Variants in CSMD1 observed in about 807,000 individuals in gnomAD.
CSMD1 encodes CUB and Sushi multiple domains 1.
A neutral mutation model predicts 417.5 loss-of-function variants in CSMD1; 213 were observed. That is an observed-to-expected ratio of 0.51 (90% CI 0.46 to 0.57). The LOEUF is 0.57. CSMD1 is among the 20% of genes least tolerant of loss of function. The pLI, the probability that CSMD1 is intolerant of heterozygous loss-of-function variation, is 0.00. For missense variants in CSMD1, 6,923 were observed against 4,529.7 expected, an observed-to-expected ratio of 1.53 and a Z score of -15.17; for synonymous variants, 2,862 against 1,736.8, an observed-to-expected ratio of 1.65 and a Z score of -16.11.
chr8:4,664,324 C>T (rs1203231047), intron 1 of CSMD1, among the ~76,000 whole-genome samples: 1 of 152,180 alleles, frequency 6.6e-6, no homozygotes, highest in Admixed American at 6.5e-5. Context: ...CTGTGGAAGG[C>T]TGAGGCGGGC....
chr8:3,851,497 T>G (rs1198001806), intron 5 of CSMD1, among the ~76,000 whole-genome samples: 1 of 152,158 alleles, frequency 6.6e-6, no homozygotes, highest in South Asian at 2.1e-4. Flanking sequence ...CCTAGTGTCT[T>G]GAGACTTTTT....
intron 37 of CSMD1, among the ~76,000 whole-genome samples, chr8:3,169,847 A>G (rs772392319): frequency 5.9e-5 from 9 of 152,190 alleles, no homozygotes; most frequent in Non-Finnish European, 1.3e-4. Flanking sequence ...ACATGCCCAG[A>G]CATGCCACAG....
chr8:4,578,409 G>C lies in CSMD1; in HGVS notation c.302+58933C>G, dbSNP rs191514588. Reference sequence around the variant, plus strand: ...TTAGCCAGGATGTTCTCGATCTCCTGATCTCATGATTCGCCCACCTCAGCA... The same window carrying C: ...TTAGCCAGGATGTTCTCGATCTCCTCATCTCATGATTCGCCCACCTCAGCA... On this transcript the variant is annotated intron_variant, in intron 2 of 69. Transcript: ENST00000635120. Among the ~76,000 whole-genome samples, 96 of 133,594 alleles carry C rather than the reference G, an allele frequency of 7.2e-4. No homozygotes were observed. The East Asian group carries it at 0.019, about 27-fold the overall frequency. The allele number at this position is 133,594 out of a possible 152,430, so 87.6% of individuals were successfully genotyped here. A position where few individuals can be genotyped will look rare whatever the true frequency, so the allele number is the denominator to read the frequency against.
intron 49 of CSMD1, among the ~76,000 whole-genome samples, chr8:3,083,690 C>G (rs1437226818): frequency 1.3e-5 from 1 of 78,220 alleles, no homozygotes; most frequent in African/African-American, 5.1e-5. Flanking sequence ...TGGTCTCATT[C>G]TGTCTCCCAG....
intron 1 of CSMD1, among the ~76,000 whole-genome samples, chr8:4,969,872 CACT>C (rs76891224): frequency 0.043 from 6,613 of 152,156 alleles, 187 homozygotes; most frequent in Non-Finnish European, 0.065. Context: ...GATATAGTGT[CACT>C]ACGAGTGTAT....
chr8:3,434,282 G>C (rs1357424021), intron 12 of CSMD1, among the ~76,000 whole-genome samples: 2 of 152,134 alleles, frequency 1.3e-5, no homozygotes, highest in Admixed American at 6.5e-5. Flanking sequence ...TTTTCAGGTT[G>C]ATATAATCTC....
At chr8:3,920,271 G>A (rs1169330427) in intron 5 of CSMD1, among the ~76,000 whole-genome samples, 1 of 152,032 alleles carries the variant, frequency 6.6e-6, no homozygotes, top group Non-Finnish European at 1.5e-5. Flanking sequence ...CTGGGCTCAA[G>A]TGATCCACCC....
intron 1 of CSMD1, among the ~76,000 whole-genome samples, chr8:4,798,245 G>T (rs1044942729): frequency 6.6e-6 from 1 of 152,060 alleles, no homozygotes; most frequent in African/African-American, 2.4e-5. Context: ...TCCCACCTAT[G>T]AGTGAGAACA....
chr8:3,703,825 C>G lies in CSMD1; in HGVS notation c.1009+4589G>C, dbSNP rs142708201. 4.6e-3 allele frequency among the ~76,000 whole-genome samples: 707 copies of G among 152,264 alleles called. 4 individuals carry two copies. Among genetic ancestry groups the G allele is most frequent in the Middle Eastern group, 0.014 (4 of 294 alleles). On this transcript the variant is annotated intron_variant, in intron 7 of 69. Coordinates refer to ENST00000635120, the MANE Select transcript of CSMD1 (RefSeq NM_033225.6). ...GTGGCTCATGACTGTAATCCCAGCA[C>G]TTAAGGAGGCCAAGGCAGGAAGATC...
intron 5 of CSMD1, among the ~76,000 whole-genome samples, chr8:3,821,723 A>C (rs1801747657): frequency 6.6e-6 from 1 of 152,202 alleles, no homozygotes; most frequent in Non-Finnish European, 1.5e-5. Flanking sequence ...GGGAGGTTGC[A>C]GTGAGTTGAA....
At chr8:3,975,168 T>A (rs765991296) in intron 5 of CSMD1, among the ~76,000 whole-genome samples, 4 of 152,222 alleles carry the variant, frequency 2.6e-5, no homozygotes, top group Non-Finnish European at 5.9e-5. Flanking sequence ...CATCTTACAG[T>A]ATGATTTTCA....
intron 6 of CSMD1, among the ~76,000 whole-genome samples, chr8:3,711,713 A>G (rs1161596611): frequency 6.6e-6 from 1 of 152,196 alleles, no homozygotes; most frequent in Non-Finnish European, 1.5e-5. Context: ...AGCTCTCCCC[A>G]GGATAATGCT....
In CSMD1 at chr8:4,312,398, C is replaced by CGTACGCATAT. The variant is rs1381586432; in HGVS notation, c.415+107554_415+107555insATATGCGTAC. Among the ~76,000 whole-genome samples the CGTACGCATAT allele has an allele frequency of 2.8e-5, 3 of 105,284 alleles. 1 individual carries two copies. Among genetic ancestry groups the CGTACGCATAT allele is most frequent in the Non-Finnish European group, 5.2e-5 (3 of 57,752 alleles). 69.1% of individuals were successfully genotyped at this position (105,284 alleles called of 152,430 possible). A position where few individuals can be genotyped will look rare whatever the true frequency, so the allele number is the denominator to read the frequency against. The stretch of plus-strand genomic sequence containing the variant: ...ACAAATATATATATATATATACATA[C>CGTACGCATAT]ATATATATGCGTGTATATATATGCG... On this transcript the variant is annotated intron_variant, in intron 3 of 69. Coordinates refer to ENST00000635120, the MANE Select transcript of CSMD1 (RefSeq NM_033225.6).
chr8:3,442,975 A>C (rs936628923), intron 12 of CSMD1, among the ~76,000 whole-genome samples: 23 of 152,178 alleles, frequency 1.5e-4, no homozygotes, highest in African/African-American at 4.6e-4. Flanking sequence ...TATTAATTTA[A>C]ATCATTAAAA....
At chr8:4,898,364 C>T (rs1804641562) in intron 1 of CSMD1, among the ~76,000 whole-genome samples, 3 of 151,142 alleles carry the variant, frequency 2.0e-5, no homozygotes, top group East Asian at 1.9e-4. Flanking sequence ...ATTTCTGTGT[C>T]ACACCTGCCA....
At chr8:3,437,637 T>C (rs985606141) in intron 12 of CSMD1, among the ~76,000 whole-genome samples, 14 of 152,236 alleles carry the variant, frequency 9.2e-5, no homozygotes, top group Non-Finnish European at 1.5e-4. Context: ...AGAAGATGGT[T>C]GTGATTATAA....
intron 3 of CSMD1, among the ~76,000 whole-genome samples, chr8:4,053,181 G>A (rs879458452): frequency 1.3e-5 from 2 of 152,146 alleles, no homozygotes; most frequent in Non-Finnish European, 2.9e-5. Context: ...GTGCAAATTT[G>A]AAGCCTGAAA....
chr8:3,695,721 G>C (rs1396010460), intron 7 of CSMD1, among the ~76,000 whole-genome samples: 1 of 152,160 alleles, frequency 6.6e-6, no homozygotes, highest in Non-Finnish European at 1.5e-5. Flanking sequence ...CAGCAGTTTG[G>C]CTGGAAGGAA....
At chr8:3,508,638 A>G (rs1326685486) in intron 10 of CSMD1, among the ~76,000 whole-genome samples, 1 of 152,202 alleles carries the variant, frequency 6.6e-6, no homozygotes, top group African/African-American at 2.4e-5. Context: ...GATTTATTCA[A>G]TCACTCCTTC....
Sources: allele counts gnomAD v4.1 joint callset (sites outside exome capture counted in the v4.1 genomes callset), GRCh38; gene constraint gnomAD v4.1.1; transcripts MANE v1.5; gene names NCBI Gene and HGNC (gene_info 2026-07-23, HGNC 2026-07-21).